Variants in ARHGEF37 observed in about 807,000 individuals in gnomAD.
The protein encoded by ARHGEF37 is Rho guanine nucleotide exchange factor 37.
In ARHGEF37, 55 loss-of-function variants were observed where a neutral mutation model predicts 71.1. The observed-to-expected ratio is 0.77, with a 90% CI of 0.62 to 0.97. The LOEUF is 0.97. Among genes scored for constraint, ARHGEF37 ranks in the 50% least tolerant of loss-of-function variants. The pLI, the probability that ARHGEF37 is intolerant of heterozygous loss-of-function variation, is 0.00. For synonymous variants in ARHGEF37, 327 were observed against 350.6 expected (o/e 0.93, Z 0.75); for missense variants, 765 against 836.8 (o/e 0.91, Z 1.06).
intron 1 of ARHGEF37, among the ~76,000 whole-genome samples, chr5:149,552,780 T>C (rs1331627951): frequency 6.6e-6 from 1 of 151,764 alleles, no homozygotes; most frequent in Non-Finnish European, 1.5e-5. Flanking sequence ...GCGGTGAGAC[T>C]AGATCACGCC....
intron 1 of ARHGEF37, among the ~76,000 whole-genome samples, chr5:149,564,685 G>A (rs1426513264): frequency 6.6e-6 from 1 of 152,168 alleles, no homozygotes; most frequent in Non-Finnish European, 1.5e-5. Context: ...TTAGCTGGGC[G>A]TGGTGGTGCA....
chr5:149,614,152 G>A (rs1752305963), intron 4 of ARHGEF37, among the ~76,000 whole-genome samples: 1 of 151,718 alleles, frequency 6.6e-6, no homozygotes, highest in Admixed American at 6.6e-5. Context: ...AAGCATATTT[G>A]GGTTGTTTCC....
At chr5:149,573,673 T>G (rs1383269727) in intron 1 of ARHGEF37, among the ~76,000 whole-genome samples, 1 of 152,188 alleles carries the variant, frequency 6.6e-6, no homozygotes, top group Non-Finnish European at 1.5e-5. Flanking sequence ...ACTTTTTCTG[T>G]CCTGTTTACT....
chr5:149,620,444 C>T lies in ARHGEF37; in HGVS notation c.985C>T (p.Leu329Phe), dbSNP rs577543055. 2 of 1,610,262 alleles carry T rather than the reference C, an allele frequency of 1.2e-6. No homozygotes were observed. Among genetic ancestry groups the T allele is most frequent in the South Asian group, 2.2e-5 (2 of 90,404 alleles). Residue 329 changes from leucine (L) to phenylalanine (F), a missense_variant, in exon 8 of 13, where the codon CTT becomes TTT. Physicochemically the swap from Leu to Phe is conservative, Grantham distance 22 (BLOSUM62 0). Around this residue, in one of 5 missense-constraint regions of ARHGEF37, gnomAD observed 167 missense variants for 173.3 expected, o/e 0.96. Coordinates refer to ENST00000333677, the MANE Select transcript of ARHGEF37 (RefSeq NM_001001669.3). The part of the protein sequence containing the change: ...QYCNLARDLH[L>F]EAFLKFKQRL... ...TTGCAATTTGGCAAGAGACCTTCAC[C>T]TTGAGGCCTTCCTGAAATTTGTGAG...
At chr5:149,567,523 A>G (rs1264271657) in intron 1 of ARHGEF37, among the ~76,000 whole-genome samples, 1 of 151,472 alleles carries the variant, frequency 6.6e-6, no homozygotes, top group Non-Finnish European at 1.5e-5. Flanking sequence ...TAAATATACC[A>G]CTCCTTCTAT....
chr5:149,611,840 G>A (rs1184753565), intron 4 of ARHGEF37, among the ~76,000 whole-genome samples: 1 of 152,046 alleles, frequency 6.6e-6, no homozygotes, highest in Non-Finnish European at 1.5e-5. Flanking sequence ...ACTATCCTAA[G>A]ACATATCCTG....
At chr5:149,592,708 A>C (rs1281889387) in intron 1 of ARHGEF37, among the ~76,000 whole-genome samples, 2 of 152,102 alleles carry the variant, frequency 1.3e-5, no homozygotes, top group Non-Finnish European at 2.9e-5. Flanking sequence ...GAAACTGACA[A>C]ACTGTTTTCC....
At chr5:149,585,689 T>A (rs926028584) in intron 1 of ARHGEF37, among the ~76,000 whole-genome samples, 2 of 152,146 alleles carry the variant, frequency 1.3e-5, no homozygotes, top group Non-Finnish European at 2.9e-5. Flanking sequence ...AGCTAATTTT[T>A]TGTATTTTTA....
intron 1 of ARHGEF37, among the ~76,000 whole-genome samples, chr5:149,565,012 G>A (rs1347745389): frequency 6.6e-6 from 1 of 152,196 alleles, no homozygotes; most frequent in Non-Finnish European, 1.5e-5. Context: ...CCAGAAAGCT[G>A]AATCTGGACA....
chr5:149,594,441 G>A (rs891018987), intron 1 of ARHGEF37, among the ~76,000 whole-genome samples: 5 of 152,222 alleles, frequency 3.3e-5, no homozygotes, highest in Non-Finnish European at 5.9e-5. Context: ...AGACAGATTT[G>A]TTTCAGGATC....
intron 1 of ARHGEF37, among the ~76,000 whole-genome samples, chr5:149,570,638 G>C (rs917145821): frequency 6.6e-6 from 1 of 151,852 alleles, no homozygotes; most frequent in Non-Finnish European, 1.5e-5. Context: ...AATACTTTGG[G>C]AGGCAGAGGT....
chr5:149,626,925 G>T (rs1204203510), intron 10 of ARHGEF37, 151 bp from the exon 11 acceptor site: 9 of 616,524 alleles, frequency 1.5e-5, no homozygotes, highest in Non-Finnish European at 2.1e-5. Flanking sequence ...TGCTAGTGAG[G>T]GCCCTGTTGC....
intron 1 of ARHGEF37, among the ~76,000 whole-genome samples, chr5:149,565,892 C>A (rs1391710705): frequency 7.7e-6 from 1 of 130,556 alleles, no homozygotes; most frequent in Non-Finnish European, 1.6e-5. Flanking sequence ...TCTTGTTGCC[C>A]AGGCTAGAGT....
intron 1 of ARHGEF37, among the ~76,000 whole-genome samples, chr5:149,595,407 C>G (rs1368850867): frequency 6.6e-6 from 1 of 152,160 alleles, no homozygotes; most frequent in Non-Finnish European, 1.5e-5. Context: ...TCTTGAACTC[C>G]TGGGCTCAAG....
chr5:149,604,052 C>A (rs1195843764), intron 3 of ARHGEF37, among the ~76,000 whole-genome samples: 1 of 152,158 alleles, frequency 6.6e-6, no homozygotes, highest in Non-Finnish European at 1.5e-5. Flanking sequence ...ATTGATATAG[C>A]CTCAGGCTGA....
chr5:149,557,112 T>C (rs1411984711), intron 1 of ARHGEF37, among the ~76,000 whole-genome samples: 6 of 152,108 alleles, frequency 3.9e-5, no homozygotes, highest in African/African-American at 1.4e-4. Flanking sequence ...TCTGAGGAAG[T>C]TGGGATGCTG....
intron 1 of ARHGEF37, among the ~76,000 whole-genome samples, chr5:149,573,505 C>T (rs934120188): frequency 2.6e-4 from 39 of 152,226 alleles, no homozygotes; most frequent in African/African-American, 8.4e-4. Flanking sequence ...TTAAAATATC[C>T]CCTTACCCAT....
intron 1 of ARHGEF37, among the ~76,000 whole-genome samples, chr5:149,595,257 C>T (rs1763511940): frequency 6.6e-6 from 1 of 152,206 alleles, no homozygotes; most frequent in Non-Finnish European, 1.5e-5. Flanking sequence ...CTTACTGCAA[C>T]TTCTACCTCC....
intron 1 of ARHGEF37, among the ~76,000 whole-genome samples, chr5:149,593,292 C>A (rs768395533): frequency 2.6e-5 from 4 of 152,206 alleles, no homozygotes; most frequent in African/African-American, 4.8e-5. Flanking sequence ...CCCCAGAAAA[C>A]GTTGCATCCT....
Sources: gnomAD v4.1 joint callset for allele counts (sites outside exome capture counted in the v4.1 genomes callset) on GRCh38, gnomAD v4.1.1 for gene constraint, gnomAD v4.1.1 regional missense constraint, MANE v1.5 for transcripts, NCBI Gene and HGNC (gene_info 2026-07-23, HGNC 2026-07-21) for gene names.